The following THADA variants were observed in gnomAD, a reference collection of about 807,000 sequenced individuals.
THADA encodes THADA armadillo repeat containing, also known as tRNA (32-2'-O)-methyltransferase regulator THADA.
THADA carries 213 observed loss-of-function variants against 219.8 expected under a neutral mutation model. The ratio of observed to expected loss-of-function variants is 0.97; its 90% CI spans 0.87 to 1.09. The LOEUF is 1.09. Among genes scored for constraint, THADA ranks in the 50% least tolerant of loss-of-function variants. The pLI, the probability that THADA is intolerant of heterozygous loss-of-function variation, is 0.00. For missense variants in THADA, 2,956 were observed against 2,311.3 expected, an observed-to-expected ratio of 1.28 and a Z score of -5.72; for synonymous variants, 1,018 against 828.9, an observed-to-expected ratio of 1.23 and a Z score of -3.92.
chr2:43,325,879 T>C (rs542977055), intron 30 of THADA, among the ~76,000 whole-genome samples: 2 of 152,338 alleles, frequency 1.3e-5, no homozygotes, highest in East Asian at 3.8e-4. Context: ...CTTTTTTCTT[T>C]TTCTTTTCCA....
chr2:43,344,055 A>G (rs1446394805), intron 30 of THADA, 67 bp downstream of exon 30: 1 of 1,156,726 alleles, frequency 8.6e-7, no homozygotes, highest in South Asian at 1.3e-5. Flanking sequence ...CCACAACTAG[A>G]AACAGCAATT....
chr2:43,488,794 T>G (rs1687234626), intron 25 of THADA, among the ~76,000 whole-genome samples: 1 of 152,174 alleles, frequency 6.6e-6, no homozygotes, highest in Admixed American at 6.5e-5. Flanking sequence ...GGCAATGTAT[T>G]AGCGTTCCAA....
intron 29 of THADA, among the ~76,000 whole-genome samples, chr2:43,387,972 G>A (rs1293087235): frequency 1.3e-5 from 2 of 152,196 alleles, no homozygotes; most frequent in African/African-American, 4.8e-5. Flanking sequence ...TGGGGTGGCT[G>A]CCAAATTGGC....
chr2:43,479,489 T>C (rs1299687403), intron 26 of THADA, among the ~76,000 whole-genome samples: 2 of 151,922 alleles, frequency 1.3e-5, no homozygotes, highest in Non-Finnish European at 2.9e-5. Flanking sequence ...ATGAAAGACA[T>C]AAGCACACAC....
intron 29 of THADA, among the ~76,000 whole-genome samples, chr2:43,393,003 G>A (rs1440516245): frequency 1.3e-5 from 2 of 152,136 alleles, no homozygotes; most frequent in Non-Finnish European, 2.9e-5. Context: ...AGTTTGAGAG[G>A]TTTTGTCAAA....
chr2:43,257,109 G>C (rs540286180), intron 36 of THADA, among the ~76,000 whole-genome samples: 2 of 152,178 alleles, frequency 1.3e-5, no homozygotes, highest in Admixed American at 6.5e-5. Flanking sequence ...GGGTGGAGAG[G>C]GGGGATGGAA....
intron 30 of THADA, among the ~76,000 whole-genome samples, chr2:43,323,082 T>A (rs1391244373): frequency 6.6e-6 from 1 of 152,182 alleles, no homozygotes; most frequent in East Asian, 1.9e-4. Context: ...TTCACTAATA[T>A]GTTTTGGATA....
chr2:43,541,621 A>G (rs1695332785), intron 20 of THADA, among the ~76,000 whole-genome samples: 1 of 151,200 alleles, frequency 6.6e-6, no homozygotes. Flanking sequence ...CAATCCTTCT[A>G]CTTCAGCCTC....
At chr2:43,565,466 G>C (rs1359865416) in intron 15 of THADA, 1 of 150,872 alleles carries the variant, frequency 6.6e-6, no homozygotes, top group Non-Finnish European at 1.5e-5. Flanking sequence ...TCTAGGTAGA[G>C]CATAAATAGC....
chr2:43,325,190 A>T (rs1026407416), intron 30 of THADA, among the ~76,000 whole-genome samples: 4 of 152,182 alleles, frequency 2.6e-5, no homozygotes, highest in African/African-American at 7.2e-5. Flanking sequence ...AGGGCTTCCC[A>T]GACACGTCCA....
chr2:43,465,700 T>A (rs1368292213), intron 26 of THADA, among the ~76,000 whole-genome samples: 1 of 152,154 alleles, frequency 6.6e-6, no homozygotes, highest in Non-Finnish European at 1.5e-5. Flanking sequence ...CTCTGGGTGA[T>A]CTCATTCACT....
intron 22 of THADA, among the ~76,000 whole-genome samples, chr2:43,527,598 TA>T (rs142899117): frequency 1.9e-4 from 28 of 148,236 alleles, no homozygotes; most frequent in East Asian, 1.8e-3. Flanking sequence ...TTTCATTCAA[TA>T]AAAAAAAAAC....
At chr2:43,583,889 A>G (rs1414920089) in intron 7 of THADA, among the ~76,000 whole-genome samples, 1 of 152,086 alleles carries the variant, frequency 6.6e-6, no homozygotes, top group African/African-American at 2.4e-5. Context: ...CCAAAAATAT[A>G]AAAAACAGGG....
chr2:43,340,461 C>T (rs1258809365), intron 30 of THADA, among the ~76,000 whole-genome samples: 2 of 152,170 alleles, frequency 1.3e-5, no homozygotes, highest in African/African-American at 4.8e-5. Flanking sequence ...AATTGGTTAT[C>T]CAATAGTGCC....
intron 30 of THADA, among the ~76,000 whole-genome samples, chr2:43,333,970 G>A (rs754854350): frequency 1.2e-4 from 19 of 152,104 alleles, no homozygotes; most frequent in Non-Finnish European, 1.6e-4. Flanking sequence ...TAAATTTGGT[G>A]GTGAGAAAAT....
chr2:43,481,936 A>G (rs555998050), intron 26 of THADA, among the ~76,000 whole-genome samples: 1 of 152,330 alleles, frequency 6.6e-6, no homozygotes, highest in African/African-American at 2.4e-5. Context: ...GCTGAAAGTT[A>G]ATACACACAG....
chr2:43,591,877 G>A, intron 3 of THADA, 75 bp downstream of exon 3: 1 of 1,014,732 alleles, frequency 9.9e-7, no homozygotes, highest in Non-Finnish European at 1.3e-6. Flanking sequence ...ACCAAAAACT[G>A]TCAGTGATTT....
chr2:43,242,221 G>T (rs1032118530), intron 36 of THADA, among the ~76,000 whole-genome samples: 2 of 152,180 alleles, frequency 1.3e-5, no homozygotes, highest in African/African-American at 4.8e-5. Context: ...CCAACACTGG[G>T]TACTGCCCAG....
At chr2:43,338,053 T>G (rs1666666180) in intron 30 of THADA, among the ~76,000 whole-genome samples, 1 of 152,118 alleles carries the variant, frequency 6.6e-6, no homozygotes, top group African/African-American at 2.4e-5. Context: ...TAAATTGTGA[T>G]GAAATATACA....
Sources: allele counts gnomAD v4.1 joint callset (sites outside exome capture counted in the v4.1 genomes callset), GRCh38; gene constraint gnomAD v4.1.1; transcripts MANE v1.5; gene names NCBI Gene and HGNC (gene_info 2026-07-23, HGNC 2026-07-21).